Variants in PDE7B observed in about 807,000 individuals in gnomAD.
The protein encoded by PDE7B is phosphodiesterase 7B.
A neutral mutation model predicts 56.2 loss-of-function variants in PDE7B; 29 were observed. The observed-to-expected ratio is 0.52, with a 90% CI of 0.38 to 0.70. The LOEUF (loss-of-function observed/expected upper bound fraction) is 0.70, where lower values mean the gene tolerates loss of function less well. Ranked by LOEUF, PDE7B falls within the 30% of genes least tolerant of loss-of-function variation. The pLI, the probability that PDE7B is intolerant of heterozygous loss-of-function variation, is 0.00. For missense variants in PDE7B, 490 were observed against 565.0 expected, an observed-to-expected ratio of 0.87 and a Z score of 1.35; for synonymous variants, 197 against 196.9, an observed-to-expected ratio of 1.00 and a Z score of 0.00.
intron 2 of PDE7B, among the ~76,000 whole-genome samples, chr6:136,106,686 T>G (rs1426475131): frequency 6.6e-6 from 1 of 152,208 alleles, no homozygotes; most frequent in Non-Finnish European, 1.5e-5. Flanking sequence ...CTCACAGGGT[T>G]ATTATGAAGG....
At chr6:135,883,979 C>T (rs985729770) in intron 1 of PDE7B, among the ~76,000 whole-genome samples, 2 of 152,040 alleles carry the variant, frequency 1.3e-5, no homozygotes, top group Admixed American at 6.6e-5. Flanking sequence ...CTTTGTTTTG[C>T]GTTTGGTAGG....
intron 3 of PDE7B, among the ~76,000 whole-genome samples, chr6:136,132,446 C>T (rs575020353): frequency 2.6e-5 from 4 of 152,118 alleles, no homozygotes; most frequent in Non-Finnish European, 5.9e-5. Context: ...CAGAAAGACC[C>T]AGGTTCCATC....
At chr6:136,108,139 A>AAAAG (rs1777680063) in intron 2 of PDE7B, among the ~76,000 whole-genome samples, 1 of 150,306 alleles carries the variant, frequency 6.7e-6, no homozygotes, top group African/African-American at 2.4e-5. Context: ...AAAAAAAAAA[A>AAAAG]AAAAGAAAGA....
chr6:136,125,272 A>T (rs1369799951), intron 3 of PDE7B, among the ~76,000 whole-genome samples: 1 of 152,194 alleles, frequency 6.6e-6, no homozygotes, highest in African/African-American at 2.4e-5. Flanking sequence ...CTAATTTTAT[A>T]TAAGTTATAT....
chr6:136,181,042 A>G (rs1288394202), intron 10 of PDE7B, among the ~76,000 whole-genome samples, 185 bp from the exon 11 acceptor site: 1 of 152,168 alleles, frequency 6.6e-6, no homozygotes, highest in Non-Finnish European at 1.5e-5. Flanking sequence ...AGCATTCTCA[A>G]TGCAGGCTTT....
chr6:136,155,970 G>C (rs1778596363), intron 8 of PDE7B: 5 of 689,736 alleles, frequency 7.2e-6, no homozygotes, highest in Non-Finnish European at 1.4e-5. Flanking sequence ...GTTTGAAAGA[G>C]GTTTGAGGAA....
chr6:136,183,447 T>G (rs945327716), intron 11 of PDE7B, among the ~76,000 whole-genome samples: 2 of 151,288 alleles, frequency 1.3e-5, no homozygotes, highest in Non-Finnish European at 2.9e-5. Flanking sequence ...CAAAAAAAAA[T>G]TAGCCGGGCA....
chr6:135,905,348 ATGTGTGTGTGTG>A (rs71682918), intron 1 of PDE7B, among the ~76,000 whole-genome samples: 148 of 148,250 alleles, frequency 1.0e-3, no homozygotes, highest in African/African-American at 3.0e-3. Flanking sequence ...GTGTGTGTGT[ATGTGTGTGTGTG>A]TGTGTGTGTG....
intron 2 of PDE7B, among the ~76,000 whole-genome samples, chr6:135,983,395 T>A (rs1371488418): frequency 1.3e-5 from 2 of 152,198 alleles, no homozygotes; most frequent in Non-Finnish European, 1.5e-5. Context: ...AAAATTACAT[T>A]TTGTTGTGTG....
At chr6:135,980,581 A>C (rs188538884) in intron 2 of PDE7B, among the ~76,000 whole-genome samples, 98 of 152,290 alleles carry the variant, frequency 6.4e-4, no homozygotes, top group African/African-American at 2.2e-3. Context: ...CAATGAACTC[A>C]AACAAATTTA....
At chr6:135,909,171 A>G (rs1386874357) in intron 1 of PDE7B, among the ~76,000 whole-genome samples, 2 of 152,166 alleles carry the variant, frequency 1.3e-5, no homozygotes, top group Admixed American at 6.5e-5. Flanking sequence ...GAAATTTTAA[A>G]AAGAAAAAAA....
intron 1 of PDE7B, among the ~76,000 whole-genome samples, chr6:135,868,601 T>C (rs557702933): frequency 1.3e-5 from 2 of 152,262 alleles, no homozygotes; most frequent in Admixed American, 1.3e-4. Context: ...ACAGGTAATT[T>C]TTGTATTTTT....
At chr6:136,141,271 T>C (rs1411859114) in intron 3 of PDE7B, among the ~76,000 whole-genome samples, 2 of 152,250 alleles carry the variant, frequency 1.3e-5, no homozygotes, top group African/African-American at 4.8e-5. Flanking sequence ...ATTACCTTTA[T>C]TGATTTGCGT....
chr6:135,963,496 A>G (rs1319185592), intron 2 of PDE7B, among the ~76,000 whole-genome samples: 6 of 152,310 alleles, frequency 3.9e-5, no homozygotes, highest in Non-Finnish European at 7.3e-5. Context: ...ACAAAACTCT[A>G]TAAAGAACTA....
rs766887362 is a variant in PDE7B, at chr6:136,154,635, C to T, written c.579+460C>T. Among the ~76,000 whole-genome samples the T allele has an allele frequency of 8.8e-4, 134 of 152,108 alleles. 2 individuals carry two copies. The highest frequency in any genetic ancestry group is 4.9e-3 in the Admixed American group (75 of 15,268). ...TTCCTACTGAACCAACTGGATATCC[C>T]GATTCAGGGCCCAAGAAAACTTGTG... On this transcript the variant is annotated intron_variant, in intron 7 of 12. Coordinates refer to ENST00000308191, the MANE Select transcript of PDE7B (RefSeq NM_018945.4).
chr6:136,054,408 G>A lies in PDE7B; in HGVS notation c.83-54323G>A, dbSNP rs549914557. 1.1e-4 allele frequency among the ~76,000 whole-genome samples: 16 copies of A among 152,192 alleles called. No homozygotes were observed. In the South Asian group the frequency reaches 2.5e-3, roughly 24 times the overall value. On this transcript the variant is annotated intron_variant, in intron 2 of 12. Coordinates refer to ENST00000308191, the MANE Select transcript of PDE7B (RefSeq NM_018945.4). ...CTGAGGACTCTGTTCTGTTTCATTG[G>A]TCTATATCTCTGTTTTGGTACCAGT...
intron 1 of PDE7B, among the ~76,000 whole-genome samples, chr6:135,935,074 A>ATATAAATAAATATATAATATATATTTCTC (rs1283537745): frequency 1.7e-4 from 14 of 82,322 alleles, no homozygotes; most frequent in Non-Finnish European, 2.9e-4. Flanking sequence ...ATATATTTAT[A>ATATAAATAAATATATAATATATATTTCTC]TATAAATAAA....
chr6:136,176,226 CT>C (rs1016940529), intron 9 of PDE7B, among the ~76,000 whole-genome samples: 1 of 151,898 alleles, frequency 6.6e-6, no homozygotes, highest in African/African-American at 2.4e-5. Flanking sequence ...TTTAGTTTGC[CT>C]TTTGATTCAT....
chr6:136,048,093 C>CAGACAGAT (rs1776548486), intron 2 of PDE7B, among the ~76,000 whole-genome samples: 1 of 71,402 alleles, frequency 1.4e-5, no homozygotes, highest in African/African-American at 3.5e-5. Context: ...GATAGATAGA[C>CAGACAGAT]AGACAGACAG....
Sources: gnomAD v4.1 joint callset for allele counts (sites outside exome capture counted in the v4.1 genomes callset) on GRCh38, gnomAD v4.1.1 for gene constraint, MANE v1.5 for transcripts, NCBI Gene and HGNC (gene_info 2026-07-23, HGNC 2026-07-21) for gene names.